NFIA: variants seen among roughly 807,000 people sequenced by gnomAD.
The protein encoded by NFIA is nuclear factor 1 A-type.
A neutral mutation model predicts 62.8 loss-of-function variants in NFIA; 8 were observed. The ratio of observed to expected loss-of-function variants is 0.13; its 90% CI spans 0.07 to 0.23. The LOEUF (loss-of-function observed/expected upper bound fraction) is 0.23, where lower values mean the gene tolerates loss of function less well. Among genes scored for constraint, NFIA ranks in the 10% least tolerant of loss-of-function variants. The pLI is 1.00. For synonymous variants in NFIA, 235 were observed against 238.1 expected, an observed-to-expected ratio of 0.99 and a Z score of 0.12; for missense variants, 410 against 642.1, an observed-to-expected ratio of 0.64 and a Z score of 3.91.
chr1:61,177,653 T>TGTG (rs1650468549), intron 2 of NFIA, among the ~76,000 whole-genome samples: 2 of 146,054 alleles, frequency 1.4e-5, no homozygotes, highest in African/African-American at 5.0e-5. Flanking sequence ...GTTTTCTCTA[T>TGTG]TGTGTGTGTG....
intron 10 of NFIA, among the ~76,000 whole-genome samples, chr1:61,437,017 C>T (rs1401910579): frequency 6.6e-6 from 1 of 152,212 alleles, no homozygotes; most frequent in Non-Finnish European, 1.5e-5. Context: ...CCTCCTTCCT[C>T]AGAGTCTGAA....
At chr1:61,310,690 G>C (rs928529480) in intron 3 of NFIA, among the ~76,000 whole-genome samples, 52 of 151,880 alleles carry the variant, frequency 3.4e-4, no homozygotes, top group African/African-American at 1.2e-3. Flanking sequence ...CGTGCCACTT[G>C]CCTTCTTTCT....
chr1:61,289,548 G>A (rs905202822), intron 3 of NFIA, among the ~76,000 whole-genome samples: 9 of 152,264 alleles, frequency 5.9e-5, no homozygotes, highest in Admixed American at 5.2e-4. Context: ...AGAAAGAATG[G>A]AATTCAAACT....
intron 2 of NFIA, among the ~76,000 whole-genome samples, chr1:61,125,647 C>A (rs1646954922): frequency 1.3e-5 from 2 of 152,072 alleles, no homozygotes; most frequent in African/African-American, 4.8e-5. Context: ...ATGGAAAATT[C>A]TTTGAAATAA....
At chr1:61,268,903 A>G (rs17121878) in intron 2 of NFIA, among the ~76,000 whole-genome samples, 2,082 of 152,108 alleles carry the variant, frequency 0.014, 29 homozygotes, top group Middle Eastern at 0.041. Context: ...CCTATATTGA[A>G]TGGACTGTCA....
intron 10 of NFIA, among the ~76,000 whole-genome samples, chr1:61,432,672 T>A (rs1179620928): frequency 1.3e-5 from 2 of 151,848 alleles, no homozygotes; most frequent in East Asian, 3.9e-4. Context: ...TACAGAGATA[T>A]ATATACACAT....
At chr1:61,432,206 TACAC>T (rs1667124427) in intron 10 of NFIA, among the ~76,000 whole-genome samples, 2 of 140,700 alleles carry the variant, frequency 1.4e-5, no homozygotes, top group Non-Finnish European at 3.0e-5. Context: ...ATGGTTCTTG[TACAC>T]TTTTCCCTAT....
intron 3 of NFIA, among the ~76,000 whole-genome samples, chr1:61,293,013 G>A (rs1002799741): frequency 1.3e-5 from 2 of 152,166 alleles, no homozygotes; most frequent in African/African-American, 4.8e-5. Context: ...TAGAAATTAT[G>A]TGTACAGCTG....
rs558644049 is a variant in NFIA at position 61,154,208 on chromosome 1, G to A, written c.559+65528G>A. ...ACCGTCTCCCAGGCTTGAGTGCGTG[G>A]TGCGATCTTGGCTCACTGCAACCAA... On this transcript the variant is annotated intron_variant, in intron 2 of 10. Coordinates refer to ENST00000403491, the MANE Select transcript of NFIA (RefSeq NM_001134673.4). 1.4e-4 allele frequency among the ~76,000 whole-genome samples: 22 copies of A among 152,118 alleles called. No homozygotes were observed. The South Asian group carries it at 4.4e-3, about 30-fold the overall frequency.
chr1:61,264,020 G>T (rs1656946697), intron 2 of NFIA, among the ~76,000 whole-genome samples: 1 of 152,012 alleles, frequency 6.6e-6, no homozygotes, highest in Admixed American at 6.5e-5. Context: ...TTTTATAAAT[G>T]ATACAGAGTT....
intron 5 of NFIA, among the ~76,000 whole-genome samples, chr1:61,354,033 CAT>C (rs1340167635): frequency 6.6e-6 from 1 of 152,138 alleles, no homozygotes; most frequent in Non-Finnish European, 1.5e-5. Flanking sequence ...GTTTGTTTTT[CAT>C]GTGTGTGCTG....
intron 9 of NFIA, among the ~76,000 whole-genome samples, chr1:61,418,741 T>G (rs1173022569): frequency 6.6e-6 from 1 of 152,224 alleles, no homozygotes; most frequent in Non-Finnish European, 1.5e-5. Flanking sequence ...GTAATGAACA[T>G]CTTGTAGCAT....
chr1:61,222,400 ATTT>A (rs1216254358), intron 2 of NFIA, among the ~76,000 whole-genome samples: 1 of 151,944 alleles, frequency 6.6e-6, no homozygotes, highest in African/African-American at 2.4e-5. Flanking sequence ...TCATTAGCAT[ATTT>A]TCAACCTGTT....
chr1:61,146,900 G>A (rs116227792), intron 2 of NFIA, among the ~76,000 whole-genome samples: 2 of 152,112 alleles, frequency 1.3e-5, no homozygotes, highest in Non-Finnish European at 2.9e-5. Flanking sequence ...ACCAGAAGCT[G>A]AAAGTAGGGT....
chr1:61,143,167 C>T (rs1437628170), intron 2 of NFIA, among the ~76,000 whole-genome samples: 3 of 152,068 alleles, frequency 2.0e-5, no homozygotes, highest in Non-Finnish European at 4.4e-5. Context: ...TGTTTTTAAC[C>T]TATTAGTCAG....
rs74090312 is a variant in NFIA at position 61,203,240 on chromosome 1, A to G, written c.560-74280A>G. Among the ~76,000 whole-genome samples the G allele has an allele frequency of 8.7e-3, 1,328 of 152,288 alleles. 20 individuals are homozygous for G. Among genetic ancestry groups the G allele is most frequent in the African/African-American group, 0.03 (1,262 of 41,552 alleles). ...CCTGACTAAATGAAGGAGTGTAAGCAGTGGGATAGACATTGCAGGCAGGCG... is the reference window on the plus strand; with the variant it reads ...CCTGACTAAATGAAGGAGTGTAAGCGGTGGGATAGACATTGCAGGCAGGCG... On this transcript the variant is annotated intron_variant, in intron 2 of 10. Transcript: ENST00000403491.
intron 4 of NFIA, among the ~76,000 whole-genome samples, chr1:61,346,209 CA>C (rs1192080242): frequency 6.6e-6 from 1 of 152,184 alleles, no homozygotes; most frequent in African/African-American, 2.4e-5. Flanking sequence ...AACTGGATTT[CA>C]CAATAAATGG....
intron 3 of NFIA, among the ~76,000 whole-genome samples, chr1:61,294,378 C>T (rs960549860): frequency 1.2e-4 from 19 of 152,154 alleles, no homozygotes; most frequent in African/African-American, 4.6e-4. Flanking sequence ...AACTGAGAGC[C>T]TTGATGTTCG....
chr1:61,257,337 T>G (rs1474774537), intron 2 of NFIA, among the ~76,000 whole-genome samples: 12 of 131,302 alleles, frequency 9.1e-5, no homozygotes, highest in African/African-American at 3.2e-4. Context: ...TTGTTTTTTT[T>G]TTTTTTTTTT....
Sources: allele counts gnomAD v4.1 joint callset (sites outside exome capture counted in the v4.1 genomes callset), GRCh38; gene constraint gnomAD v4.1.1; transcripts MANE v1.5; gene names NCBI Gene and HGNC (gene_info 2026-07-23, HGNC 2026-07-21).